Variants in ITPR2 observed in about 807,000 individuals in gnomAD.
The protein encoded by ITPR2 is inositol 1,4,5-trisphosphate receptor type 2.
A neutral mutation model predicts 317.1 loss-of-function variants in ITPR2; 207 were observed. The observed-to-expected ratio is 0.65, with a 90% confidence interval of 0.58 to 0.73. The LOEUF (loss-of-function observed/expected upper bound fraction) is 0.73, where lower values mean the gene tolerates loss of function less well. Among genes scored for constraint, ITPR2 ranks in the 30% least tolerant of loss-of-function variants. The pLI, the probability that ITPR2 is intolerant of heterozygous loss-of-function variation, is 0.00. For missense variants in ITPR2, 2,613 were observed against 3,284.0 expected (o/e 0.80, Z 4.99); for synonymous variants, 1,156 against 1,149.1 (o/e 1.01, Z -0.12).
In ITPR2 at chr12:26,494,131, C is replaced by T. The variant is rs549730372; in HGVS notation, c.5370+22G>A. 7.6e-6 allele frequency: 12 copies of T among 1,571,372 alleles called. No individual in the cohort carries two copies. The African/African-American group carries it at 8.2e-5, about 11-fold the overall frequency. ...AGAAATACCAATAATAAATGTAATC[C>T]CCATGATTGATGAACAAGTACCTGT... On this transcript the variant is annotated intron_variant, in intron 39 of 56. Coordinates refer to ENST00000381340, the MANE Select transcript of ITPR2 (RefSeq NM_002223.4).
At chr12:26,817,180 CAA>C (rs11422176) in intron 1 of ITPR2, among the ~76,000 whole-genome samples, 1 of 57,668 alleles carries the variant, frequency 1.7e-5, no homozygotes, top group African/African-American at 7.1e-5. Flanking sequence ...GAGTCTCTTT[CAA>C]AAAAAAAAAA....
chr12:26,742,340 A>T (rs572314442), intron 2 of ITPR2, among the ~76,000 whole-genome samples: 7 of 152,368 alleles, frequency 4.6e-5, no homozygotes, highest in African/African-American at 1.7e-4. Flanking sequence ...GTCATGTTGA[A>T]CAAAGAAACA....
chr12:26,451,015 C>T (rs1031094172), intron 45 of ITPR2, among the ~76,000 whole-genome samples: 1 of 152,104 alleles, frequency 6.6e-6, no homozygotes, highest in Non-Finnish European at 1.5e-5. Context: ...TTCCAAGACA[C>T]CCTTGTTCCC....
chr12:26,773,142 C>T (rs1261451406), intron 2 of ITPR2, among the ~76,000 whole-genome samples: 1 of 152,136 alleles, frequency 6.6e-6, no homozygotes. Context: ...CCTACCTTCC[C>T]ACCTACCATC....
chr12:26,762,457 T>C (rs1273272890), intron 2 of ITPR2, among the ~76,000 whole-genome samples: 1 of 152,164 alleles, frequency 6.6e-6, no homozygotes, highest in Non-Finnish European at 1.5e-5. Flanking sequence ...AAGAAAGGAC[T>C]GCCAACCAAG....
At chr12:26,661,574 A>G (rs143983231) in intron 15 of ITPR2, among the ~76,000 whole-genome samples, 47 of 152,286 alleles carry the variant, frequency 3.1e-4, no homozygotes, top group Middle Eastern at 3.4e-3. Context: ...ACAGCCATCA[A>G]GGAGGGTGCA....
chr12:26,474,667 G>A (rs1439172835), intron 45 of ITPR2, among the ~76,000 whole-genome samples: 1 of 150,392 alleles, frequency 6.6e-6, no homozygotes, highest in Non-Finnish European at 1.5e-5. Context: ...AGTGGCGGGC[G>A]CCTGTAGTCC....
chr12:26,466,432 ACTTAGATC>A (rs1942172989), intron 45 of ITPR2, among the ~76,000 whole-genome samples: 1 of 152,226 alleles, frequency 6.6e-6, no homozygotes, highest in African/African-American at 2.4e-5. Flanking sequence ...CCTCGGGTAT[ACTTAGATC>A]CTCTTTCCTT....
chr12:26,630,030 G>A (rs1946712980), intron 22 of ITPR2, among the ~76,000 whole-genome samples: 1 of 152,172 alleles, frequency 6.6e-6, no homozygotes. Flanking sequence ...GGTAGCAAAG[G>A]GATTTGCAGG....
chr12:26,469,661 T>A (rs1942253059), intron 45 of ITPR2, among the ~76,000 whole-genome samples: 1 of 152,096 alleles, frequency 6.6e-6, no homozygotes, highest in African/African-American at 2.4e-5. Context: ...TGAGAGCTGA[T>A]CTGTTGCGGA....
chr12:26,691,947 C>A (rs1156948397), intron 10 of ITPR2, among the ~76,000 whole-genome samples: 2 of 152,048 alleles, frequency 1.3e-5, no homozygotes, highest in African/African-American at 4.8e-5. Flanking sequence ...ACTTCTCTTG[C>A]CGAGGTTCCT....
rs1310045985 is a variant in ITPR2, at chr12:26,818,374, C to A, written c.92+14316G>T. Among the ~76,000 whole-genome samples the A allele has an allele frequency of 2.0e-5, 3 of 152,296 alleles. No homozygotes were observed. In the East Asian group the frequency reaches 5.8e-4, roughly 29 times the overall value. On this transcript the variant is annotated intron_variant, in intron 1 of 56. Coordinates refer to ENST00000381340, the MANE Select transcript of ITPR2 (RefSeq NM_002223.4). ...AAGACCTTCTGAGAGATTCTTTAGCCACTGAGACTTTTTGAAAGGATCCAT... is the reference window on the plus strand; with the variant it reads ...AAGACCTTCTGAGAGATTCTTTAGCAACTGAGACTTTTTGAAAGGATCCAT...
At chr12:26,459,435 G>T (rs1232038511) in intron 45 of ITPR2, among the ~76,000 whole-genome samples, 1 of 152,198 alleles carries the variant, frequency 6.6e-6, no homozygotes, top group African/African-American at 2.4e-5. Context: ...AGCGTTCTCT[G>T]TTCACTGCAG....
chr12:26,729,084 A>G (rs7963724), intron 2 of ITPR2, among the ~76,000 whole-genome samples: 9,332 of 151,912 alleles, frequency 0.061, 371 homozygotes, highest in African/African-American at 0.12. Context: ...TTTTGTTGCA[A>G]TTGCTTTTGG....
At chr12:26,422,338 T>A (rs1940926425) in intron 49 of ITPR2, among the ~76,000 whole-genome samples, 1 of 121,622 alleles carries the variant, frequency 8.2e-6, no homozygotes, top group Non-Finnish European at 2.1e-5. Context: ...AACTATTTAA[T>A]TAGATAATTT....
chr12:26,732,908 C>T lies in ITPR2; in HGVS notation c.164-7143G>A, dbSNP rs573444910. Among the ~76,000 whole-genome samples the T allele has an allele frequency of 1.5e-4, 23 of 152,284 alleles. 1 individual carries two copies. The South Asian group carries it at 1.7e-3, about 11-fold the overall frequency. ...GATTTGATCATCGTGGCAAGATCTC[C>T]TCAAAAAGTTATCATTTTTATTACC... On this transcript the variant is annotated intron_variant, in intron 2 of 56. Coordinates refer to ENST00000381340, the MANE Select transcript of ITPR2 (RefSeq NM_002223.4).
intron 55 of ITPR2, 26 bp downstream of exon 55, chr12:26,387,408 C>G: frequency 1.9e-6 from 3 of 1,608,424 alleles, no homozygotes; most frequent in Non-Finnish European, 2.6e-6. Context: ...AATATAGTCA[C>G]AAATTAAAAC....
chr12:26,771,197 G>A (rs1949835947), intron 2 of ITPR2, among the ~76,000 whole-genome samples: 1 of 152,172 alleles, frequency 6.6e-6, no homozygotes. Flanking sequence ...TAAAGACTTG[G>A]ACATGTAGTT....
intron 37 of ITPR2, among the ~76,000 whole-genome samples, chr12:26,503,419 A>G (rs1198257491): frequency 1.3e-5 from 2 of 152,356 alleles, no homozygotes; most frequent in East Asian, 3.9e-4. Context: ...TATGGAATCC[A>G]TGGAATAGAG....
Sources: gnomAD v4.1 joint callset for allele counts (sites outside exome capture counted in the v4.1 genomes callset) on GRCh38, gnomAD v4.1.1 for gene constraint, MANE v1.5 for transcripts, NCBI Gene and HGNC (gene_info 2026-07-23, HGNC 2026-07-21) for gene names.